The following TJP1 variants were observed in gnomAD, a reference collection of about 807,000 sequenced individuals.
The protein encoded by TJP1 is tight junction protein 1, also known as tight junction protein ZO-1.
Under a neutral mutation model 194.2 loss-of-function variants are expected in TJP1, and 43 were observed. The ratio of observed to expected loss-of-function variants is 0.22; its 90% CI spans 0.17 to 0.29. TJP1 has a LOEUF of 0.29. Ranked by LOEUF, TJP1 falls within the 10% of genes least tolerant of loss-of-function variation. The pLI is 1.00. For synonymous variants in TJP1, 801 were observed against 779.0 expected, an observed-to-expected ratio of 1.03 and a Z score of -0.47; for missense variants, 1,971 against 2,185.7, an observed-to-expected ratio of 0.90 and a Z score of 1.96.
At chr15:29,913,149 C>T (rs1181407485) in intron 2 of TJP1, among the ~76,000 whole-genome samples, 2 of 150,602 alleles carry the variant, frequency 1.3e-5, no homozygotes, top group Non-Finnish European at 3.0e-5. Flanking sequence ...TGGAGAATAG[C>T]AAATAGAGCA....
rs186756358 is a variant in TJP1 at position 29,864,122 on chromosome 15, G to A, written c.307-63420C>T. On this transcript the variant is annotated intron_variant, in intron 2 of 28. Transcript: ENST00000356107. The stretch of plus-strand genomic sequence containing the variant: ...TAAAAAGTTGTACCCGGCCGGGCGC[G>A]GTGGCTCACACCTGTAATCTCAGCA... Among the ~76,000 whole-genome samples the A allele has an allele frequency of 1.7e-4, 26 of 151,804 alleles. No individual in the cohort carries two copies. In the East Asian group the frequency reaches 1.9e-3, roughly 11 times the overall value.
intron 1 of TJP1, among the ~76,000 whole-genome samples, chr15:29,961,166 T>C (rs1207604296): frequency 6.6e-6 from 1 of 152,108 alleles, no homozygotes; most frequent in Non-Finnish European, 1.5e-5. Context: ...CCCCTGGTAC[T>C]ACTCTTCCCC....
intron 2 of TJP1, among the ~76,000 whole-genome samples, chr15:29,867,078 T>C (rs1326032042): frequency 1.3e-5 from 2 of 152,238 alleles, no homozygotes; most frequent in Non-Finnish European, 2.9e-5. Flanking sequence ...TGAACTGGAC[T>C]TAAGACATTT....
intron 8 of TJP1, among the ~76,000 whole-genome samples, chr15:29,745,710 C>T (rs191267611): frequency 2.0e-5 from 3 of 152,242 alleles, no homozygotes; most frequent in East Asian, 1.9e-4. Flanking sequence ...AAATCAGGTA[C>T]GAAGGTGCTT....
In TJP1 at chr15:29,728,022, A is replaced by G. The variant is rs2043349135; in HGVS notation, c.2018-3T>C. ...TCCAGCGTCTCGTGGTTCACTCTCT[A>G]TTCATTATGTCAGGACAAAAATAAG... On this transcript the variant is annotated splice_region_variant and splice_polypyrimidine_tract_variant and intron_variant, in intron 15 of 27. Transcript: ENST00000614355. 2 of 1,613,726 alleles carry G rather than the reference A, an allele frequency of 1.2e-6. No individual in the cohort carries two copies. The highest frequency in any genetic ancestry group is 4.5e-5 in the East Asian group (2 of 44,876).
At chr15:29,967,470 C>G (rs1032711552) in intron 1 of TJP1, among the ~76,000 whole-genome samples, 5 of 152,070 alleles carry the variant, frequency 3.3e-5, no homozygotes, top group South Asian at 2.1e-4. Context: ...TATTCATTAT[C>G]AGAGTTGATC....
intron 20 of TJP1, 123 bp from the exon 21 acceptor site, chr15:29,719,261 T>C (rs2042783379): frequency 1.7e-6 from 2 of 1,191,710 alleles, no homozygotes; most frequent in East Asian, 2.6e-5. Context: ...TACCATTTAT[T>C]ATCAGGATAG....
chr15:29,816,404 C>A (rs1003303322), intron 1 of TJP1, among the ~76,000 whole-genome samples: 27 of 152,106 alleles, frequency 1.8e-4, no homozygotes, highest in African/African-American at 5.8e-4. Flanking sequence ...TGAAACATAA[C>A]TATCTTATGA....
upstream of TJP1, among the ~76,000 whole-genome samples, chr15:29,826,498 T>C (rs189517558): frequency 2.0e-5 from 3 of 152,264 alleles, no homozygotes; most frequent in African/African-American, 4.8e-5. Context: ...TCATAATCCA[T>C]AGAGAAAACA....
chr15:29,741,263 T>A, intron 10 of TJP1, 68 bp downstream of exon 10: 1 of 1,199,202 alleles, frequency 8.3e-7, no homozygotes, highest in Non-Finnish European at 1.2e-6. Context: ...TGGTTTACAA[T>A]TAAATTCCTA....
intron 13 of TJP1, 41 bp downstream of exon 13, chr15:29,733,053 T>G: frequency 1.3e-6 from 2 of 1,584,362 alleles, no homozygotes; most frequent in Non-Finnish European, 1.7e-6. Flanking sequence ...CTATCATCAT[T>G]TACTTGATTC....
chr15:29,777,853 T>C (rs781166651), intron 2 of TJP1, among the ~76,000 whole-genome samples: 2 of 152,166 alleles, frequency 1.3e-5, no homozygotes, highest in African/African-American at 4.8e-5. Context: ...GGAAAACACC[T>C]AAACACCCCA....
chr15:29,808,336 T>C (rs1470028378), intron 1 of TJP1, among the ~76,000 whole-genome samples: 1 of 152,170 alleles, frequency 6.6e-6, no homozygotes, highest in Non-Finnish European at 1.5e-5. Flanking sequence ...GGGTTACCTT[T>C]GTGTATGAAG....
rs146538732 is a variant in TJP1, at chr15:29,875,661, G to A, written c.307-74959C>T. 3.8e-3 allele frequency among the ~76,000 whole-genome samples: 580 copies of A among 152,234 alleles called. 5 individuals carry two copies. The highest frequency in any genetic ancestry group is 0.013 in the African/African-American group (555 of 41,530). On this transcript the variant is annotated intron_variant, in intron 2 of 28. Coordinates refer to the TJP1 transcript ENST00000356107. ...GACTCACTGCAACCTCCACCTCCCG[G>A]GTTCAAGCAATTCTCCTGCCTCAGC... is the stretch of plus-strand genomic sequence containing the variant.
In TJP1 at chr15:29,864,493, G is replaced by A. The variant is rs1418291433; in HGVS notation, c.307-63791C>T. The stretch of plus-strand genomic sequence containing the variant: ...TTAACAAAGTTCCTAACCCATGGCA[G>A]GGGCTTATTGAGAATTGTACAGGTT... On this transcript the variant is annotated intron_variant, in intron 2 of 28. Coordinates refer to the TJP1 transcript ENST00000356107. 1.6e-4 allele frequency among the ~76,000 whole-genome samples: 25 copies of A among 152,132 alleles called. 1 individual carries two copies. Among genetic ancestry groups the A allele is most frequent in the Admixed American group, 1.6e-3 (25 of 15,274 alleles).
At chr15:29,730,441 T>A (rs1484437181) in intron 15 of TJP1, among the ~76,000 whole-genome samples, 1 of 150,742 alleles carries the variant, frequency 6.6e-6, no homozygotes, top group African/African-American at 2.5e-5. Flanking sequence ...ATAATAATAA[T>A]AATAAACTAG....
chr15:29,948,672 A>C (rs1171687824), intron 2 of TJP1, among the ~76,000 whole-genome samples: 1 of 152,128 alleles, frequency 6.6e-6, no homozygotes, highest in Non-Finnish European at 1.5e-5. Context: ...AGAGGAGGGG[A>C]GATGCAAAGT....
At position 29,727,993 on chromosome 15, in the gene TJP1, C is replaced by A; in HGVS notation, c.2044G>T (p.Asp682Tyr). The A allele has an allele frequency of 6.2e-7, 1 of 1,614,086 alleles. No homozygotes were observed. Among genetic ancestry groups the A allele is most frequent in the South Asian group, 1.1e-5 (1 of 91,056 alleles). Reference sequence around the variant, plus strand: ...CGAATAATGCCAGAGCTACGTTGGTCAGTTCCAGCGTCTCGTGGTTCACTC... The same window carrying A: ...CGAATAATGCCAGAGCTACGTTGGTAAGTTCCAGCGTCTCGTGGTTCACTC... Reference protein sequence around the residue: ...AKSEPRDAGTDQRSSGIIRLH... With the variant: ...AKSEPRDAGTYQRSSGIIRLH... Residue 682 changes from aspartate (D) to tyrosine (Y), a missense_variant, in exon 16 of 28, where the codon GAC (aspartate) becomes TAC (tyrosine). By Grantham distance (160) the Asp-to-Tyr change is radical. Transcript: ENST00000614355.
chr15:29,818,673 T>A (rs1292817257), intron 1 of TJP1, among the ~76,000 whole-genome samples: 1 of 23,974 alleles, frequency 4.2e-5, no homozygotes, highest in Non-Finnish European at 1.7e-4. Context: ...CCCGGCTATT[T>A]TTTTTTTTTT....
Sources: allele counts gnomAD v4.1 joint callset (sites outside exome capture counted in the v4.1 genomes callset), GRCh38; gene constraint gnomAD v4.1.1; transcripts MANE v1.5; gene names NCBI Gene and HGNC (gene_info 2026-07-23, HGNC 2026-07-21).